The following HTR2C variants were observed in gnomAD, a reference collection of about 807,000 sequenced individuals.
HTR2C encodes the protein 5-hydroxytryptamine (serotonin) receptor 2C, G protein-coupled.
Under a neutral mutation model 21.0 loss-of-function variants are expected in HTR2C, and 5 were observed. That is an observed-to-expected ratio of 0.24 (90% confidence interval 0.12 to 0.50). The LOEUF (loss-of-function observed/expected upper bound fraction) is 0.50. HTR2C is among the 20% of genes least tolerant of loss of function. HTR2C has a pLI of 0.98. For synonymous variants in HTR2C, 150 were observed against 145.3 expected, an observed-to-expected ratio of 1.03 and a Z score of -0.23; for missense variants, 271 against 371.2, an observed-to-expected ratio of 0.73 and a Z score of 2.22.
intron 2 of HTR2C, among the ~76,000 whole-genome samples, chrX:114,663,420 AC>A (rs1931062344): frequency 8.9e-6 from 1 of 112,039 alleles, no homozygotes; most frequent in Non-Finnish European, 1.9e-5. Flanking sequence ...GATTATAGTC[AC>A]ATGACTTATG....
intron 4 of HTR2C, among the ~76,000 whole-genome samples, chrX:114,816,141 T>G (rs1040346050): frequency 1.8e-5 from 2 of 111,052 alleles, no homozygotes; most frequent in South Asian, 7.5e-4. Context: ...GTCTCTCTAC[T>G]ACACAGTAAA....
chrX:114,714,906 C>T (rs893503432), intron 2 of HTR2C, among the ~76,000 whole-genome samples: 2 of 111,322 alleles, frequency 1.8e-5, no homozygotes, highest in Non-Finnish European at 3.8e-5. Context: ...ACATATTTAA[C>T]GGCTAGGGTG....
intron 4 of HTR2C, among the ~76,000 whole-genome samples, chrX:114,805,949 AT>A (rs2070419339): frequency 1.3e-5 from 1 of 75,838 alleles, no homozygotes; most frequent in Non-Finnish European, 2.5e-5. Context: ...CCATATATAT[AT>A]ACACCATATA....
At chrX:114,799,008 A>G (rs1470906358) in intron 4 of HTR2C, among the ~76,000 whole-genome samples, 4 of 110,184 alleles carry the variant, frequency 3.6e-5, no homozygotes, top group Non-Finnish European at 7.6e-5. Flanking sequence ...GTGACACAGA[A>G]CCATAACACA....
chrX:114,811,294 C>CT (rs368771870), intron 4 of HTR2C, among the ~76,000 whole-genome samples: 389 of 101,893 alleles, frequency 3.8e-3, no homozygotes, highest in African/African-American at 9.4e-3. Flanking sequence ...AAAGGCCAGT[C>CT]TTTTTTTTTT....
chrX:114,890,054 T>A (rs1032340366), intron 5 of HTR2C, among the ~76,000 whole-genome samples: 3 of 112,191 alleles, frequency 2.7e-5, no homozygotes, highest in Non-Finnish European at 5.6e-5. Flanking sequence ...TACTCTAACA[T>A]TTTCACAGAT....
At chrX:114,777,749 G>C (rs1285567377) in intron 4 of HTR2C, among the ~76,000 whole-genome samples, 1 of 110,789 alleles carries the variant, frequency 9.0e-6, no homozygotes, top group Non-Finnish European at 1.9e-5. Context: ...GTAGAGACAG[G>C]GTTTCCCTGT....
chrX:114,667,905 T>C (rs1556411119), intron 2 of HTR2C, among the ~76,000 whole-genome samples: 2 of 112,118 alleles, frequency 1.8e-5, no homozygotes, highest in African/African-American at 6.5e-5. Flanking sequence ...ACTCATTTAA[T>C]GCTTGCATTA....
Position 114,723,534 on chromosome X carries a change from A to T in HTR2C, c.-79-3324A>T, listed in dbSNP as rs370488285. ...ATTTCCTTCAGTTCTGCTCTGATTT[A>T]AGTTATTTCTTGCCTTCTGCTAGCT... is the stretch of plus-strand genomic sequence containing the variant. On this transcript the variant is annotated intron_variant, in intron 2 of 5. Transcript: ENST00000276198. Among the ~76,000 whole-genome samples the T allele has an allele frequency of 2.1e-4, 23 of 109,052 alleles. 3 individuals carry two copies. The East Asian group carries it at 3.2e-3, about 15-fold the overall frequency. 94.7% of individuals were successfully genotyped at this position (109,052 alleles called of 115,157 possible).
At chrX:114,702,437 A>G (rs1409609739) in intron 2 of HTR2C, among the ~76,000 whole-genome samples, 2 of 99,259 alleles carry the variant, frequency 2.0e-5, no homozygotes, top group Non-Finnish European at 4.1e-5. Flanking sequence ...TTTTCAACCC[A>G]GAATTTCCTA....
intron 2 of HTR2C, among the ~76,000 whole-genome samples, chrX:114,710,575 A>C (rs943548984): frequency 8.9e-6 from 1 of 111,969 alleles, no homozygotes; most frequent in African/African-American, 3.2e-5. Context: ...GTAAAGATTA[A>C]ATGAGAAAAA....
In HTR2C at chrX:114,779,999, A is replaced by T. The variant is rs79144513; in HGVS notation, c.349+48392A>T. On this transcript the variant is annotated intron_variant, in intron 4 of 5. Transcript: ENST00000276198. ...ACCAACCATAGATCAAAAATATTTT[A>T]AAAACAACGAAACTAACAAAACAAT... Among the ~76,000 whole-genome samples the T allele has an allele frequency of 7.3e-3, 811 of 111,481 alleles. 11 individuals carry two copies. Among genetic ancestry groups the T allele is most frequent in the African/African-American group, 0.025 (759 of 30,672 alleles).
At chrX:114,595,576 T>G (rs1927807582) in intron 1 of HTR2C, among the ~76,000 whole-genome samples, 1 of 110,920 alleles carries the variant, frequency 9.0e-6, no homozygotes, top group Non-Finnish European at 1.9e-5. Context: ...TCATGGATAT[T>G]TAGTTCCAGA....
intron 2 of HTR2C, among the ~76,000 whole-genome samples, chrX:114,647,842 T>C (rs1368292297): frequency 9.0e-6 from 1 of 111,448 alleles, no homozygotes; most frequent in African/African-American, 3.3e-5. Flanking sequence ...GCAGAGGACA[T>C]AGCATGTGCC....
rs1169020220 is a variant in HTR2C, at chrX:114,701,621, C to T, written c.-79-25237C>T. On this transcript the variant is annotated intron_variant, in intron 2 of 5. Transcript: ENST00000276198. Reference sequence around the variant, plus strand: ...ACCACAAAGATGGGAAAAAACAGAGCAGAAAAACTGGAAACTCTAAAAAGC... The same window carrying T: ...ACCACAAAGATGGGAAAAAACAGAGTAGAAAAACTGGAAACTCTAAAAAGC... Among the ~76,000 whole-genome samples the T allele has an allele frequency of 5.4e-5, 6 of 111,565 alleles. No individual in the cohort carries two copies. The South Asian group carries it at 1.9e-3, about 35-fold the overall frequency.
At chrX:114,743,714 G>C (rs2069674283) in intron 4 of HTR2C, among the ~76,000 whole-genome samples, 1 of 111,495 alleles carries the variant, frequency 9.0e-6, no homozygotes, top group African/African-American at 3.3e-5. Flanking sequence ...GAACAAAAAT[G>C]GGCAATGATT....
intron 4 of HTR2C, chrX:114,823,540 T>A (rs2070654079): frequency 2.9e-6 from 1 of 341,207 alleles, no homozygotes; most frequent in Non-Finnish European, 5.9e-6. Context: ...ATGTAGGATG[T>A]CCCATCTCCC....
At chrX:114,675,872 T>TC (rs1931539833) in intron 2 of HTR2C, among the ~76,000 whole-genome samples, 2 of 99,802 alleles carry the variant, frequency 2.0e-5, no homozygotes, top group South Asian at 4.5e-4. Context: ...TTTTTTCTTT[T>TC]TTCTTTTTTT....
chrX:114,733,302 C>T (rs782017508), intron 4 of HTR2C, among the ~76,000 whole-genome samples: 1 of 109,003 alleles, frequency 9.2e-6, no homozygotes, highest in Non-Finnish European at 1.9e-5. Context: ...CCCAACTACT[C>T]GGGAGGCTGA....
Sources: allele counts gnomAD v4.1 joint callset (sites outside exome capture counted in the v4.1 genomes callset), GRCh38; gene constraint gnomAD v4.1.1; transcripts MANE v1.5; gene names NCBI Gene and HGNC (gene_info 2026-07-23, HGNC 2026-07-21).